The following CACNA2D1 variants were observed in gnomAD, a reference collection of about 807,000 sequenced individuals.
CACNA2D1 encodes the protein voltage-dependent calcium channel subunit alpha-2/delta-1.
A neutral mutation model predicts 171.5 loss-of-function variants in CACNA2D1; 53 were observed. The observed-to-expected ratio is 0.31, with a 90% CI of 0.25 to 0.39. CACNA2D1 has a LOEUF of 0.39. CACNA2D1 is among the 10% of genes least tolerant of loss of function. CACNA2D1 has a pLI of 1.00. For synonymous variants in CACNA2D1, 442 were observed against 443.1 expected (o/e 1.00, Z 0.03); for missense variants, 903 against 1,299.8 (o/e 0.69, Z 4.69).
chr7:82,100,901 T>A (rs2129035312), intron 6 of CACNA2D1, among the ~76,000 whole-genome samples: 1 of 152,160 alleles, frequency 6.6e-6, no homozygotes, highest in East Asian at 1.9e-4. Flanking sequence ...ATTGTACAAA[T>A]TTTTGAAATG....
chr7:81,991,427 A>C (rs574546883), intron 20 of CACNA2D1, among the ~76,000 whole-genome samples, 181 bp from the exon 21 acceptor site: 2 of 152,338 alleles, frequency 1.3e-5, no homozygotes, highest in African/African-American at 4.8e-5. Flanking sequence ...AATTTTTGAC[A>C]GAAACAAATG....
chr7:81,982,802 A>G, intron 23 of CACNA2D1, 175 bp from the exon 24 acceptor site: 1 of 672,344 alleles, frequency 1.5e-6, no homozygotes, highest in South Asian at 1.6e-5. Context: ...GCTTCCCAAA[A>G]TAATAAAATT....
At chr7:82,196,381 C>T (rs3819437) in intron 3 of CACNA2D1, among the ~76,000 whole-genome samples, 42,258 of 151,894 alleles carry the variant, frequency 0.28, 7,292 homozygotes, top group Non-Finnish European at 0.39. Context: ...ATGGGGGATG[C>T]TTGAAAAGGC....
At chr7:82,208,787 T>A (rs1261711076) in intron 3 of CACNA2D1, among the ~76,000 whole-genome samples, 4 of 152,136 alleles carry the variant, frequency 2.6e-5, no homozygotes, top group Non-Finnish European at 5.9e-5. Context: ...GTGACTATAG[T>A]TAACAATGTA....
At chr7:82,430,693 G>A (rs1437046160) in intron 1 of CACNA2D1, among the ~76,000 whole-genome samples, 1 of 152,154 alleles carries the variant, frequency 6.6e-6, no homozygotes. Context: ...TCAGCTGGAT[G>A]AGTCAAGTAA....
intron 1 of CACNA2D1, among the ~76,000 whole-genome samples, chr7:82,361,470 T>C (rs1041998906): frequency 5.9e-5 from 9 of 152,174 alleles, no homozygotes; most frequent in African/African-American, 2.2e-4. Flanking sequence ...CATTTTTAAT[T>C]TCTTGGTCAT....
intron 3 of CACNA2D1, among the ~76,000 whole-genome samples, chr7:82,216,784 A>C (rs991876060): frequency 6.6e-6 from 1 of 152,026 alleles, no homozygotes; most frequent in African/African-American, 2.4e-5. Context: ...CGTCCTAGAT[A>C]GCAAAGAAAC....
At chr7:82,288,625 C>A (rs1044995130) in intron 3 of CACNA2D1, among the ~76,000 whole-genome samples, 1 of 152,126 alleles carries the variant, frequency 6.6e-6, no homozygotes, top group Non-Finnish European at 1.5e-5. Context: ...GAATCTGATG[C>A]TAATTGAGCA....
rs1246568251 is a variant in CACNA2D1, at chr7:81,946,862, T to C, written c.*3530A>G. 6.6e-6 allele frequency: 1 copy of C among 152,066 alleles called. No homozygotes were observed. The highest frequency in any genetic ancestry group is 1.5e-5 in the Non-Finnish European group (1 of 67,964). The allele number at this position is 152,066 out of a possible 1,614,324, so 9.4% of individuals were successfully genotyped here. On this transcript the variant is annotated 3_prime_UTR_variant, in exon 39 of 39. Transcript: ENST00000356860. Reference sequence around the variant, plus strand: ...GAAGAGTTGTCTAATTCTTCAAAAATCTGGAATTTTTTTCAACACTCAAAA... The same window carrying C: ...GAAGAGTTGTCTAATTCTTCAAAAACCTGGAATTTTTTTCAACACTCAAAA...
At chr7:81,965,473 A>C in intron 32 of CACNA2D1, 121 bp downstream of exon 32, 1 of 725,278 alleles carries the variant, frequency 1.4e-6, no homozygotes, top group Non-Finnish European at 2.6e-6. Flanking sequence ...CATTTTACAA[A>C]TTATTGTATG....
chr7:82,323,235 T>C (rs556598133), intron 3 of CACNA2D1, among the ~76,000 whole-genome samples: 1 of 152,156 alleles, frequency 6.6e-6, no homozygotes, highest in African/African-American at 2.4e-5. Context: ...GATCAGAGCA[T>C]TTCTGTTGAG....
chr7:82,088,648 C>T (rs567221217), intron 6 of CACNA2D1, among the ~76,000 whole-genome samples: 31 of 151,764 alleles, frequency 2.0e-4, no homozygotes, highest in East Asian at 5.8e-4. Context: ...ATTTTCTTTA[C>T]GAAAAAACTT....
intron 21 of CACNA2D1, among the ~76,000 whole-genome samples, chr7:81,987,791 T>A (rs1037498524): frequency 3.4e-4 from 51 of 152,144 alleles, no homozygotes; most frequent in Non-Finnish European, 1.3e-4. Flanking sequence ...GTTGGGGCCT[T>A]GTCAGAGAAC....
At chr7:82,241,748 C>T (rs1804323031) in intron 3 of CACNA2D1, among the ~76,000 whole-genome samples, 1 of 152,066 alleles carries the variant, frequency 6.6e-6, no homozygotes, top group African/African-American at 2.4e-5. Flanking sequence ...GGCCCAGTCA[C>T]ATATATGTAA....
At chr7:82,253,675 A>G (rs1805944564) in intron 3 of CACNA2D1, among the ~76,000 whole-genome samples, 1 of 152,204 alleles carries the variant, frequency 6.6e-6, no homozygotes. Context: ...TGTTTAATAA[A>G]TGTCATGGTC....
At position 82,112,869 on chromosome 7, in the gene CACNA2D1, A is replaced by C. The variant is rs1788619308; in HGVS notation, c.526+4175T>G. On this transcript the variant is annotated intron_variant, in intron 6 of 38. Coordinates refer to ENST00000356860, the MANE Select transcript of CACNA2D1 (RefSeq NM_000722.4). ...CTAAGATACAGCGGCTATATCTTTTAAGATAACACAATTGAATATCAAGAT... is the reference window on the plus strand; with the variant it reads ...CTAAGATACAGCGGCTATATCTTTTCAGATAACACAATTGAATATCAAGAT... Among the ~76,000 whole-genome samples, 3 of 152,316 alleles carry C rather than the reference A, an allele frequency of 2.0e-5. No homozygotes were observed. In the South Asian group the frequency reaches 6.2e-4, roughly 32 times the overall value.
intron 3 of CACNA2D1, among the ~76,000 whole-genome samples, chr7:82,276,435 G>A (rs573337628): frequency 1.2e-3 from 183 of 152,170 alleles, no homozygotes; most frequent in Middle Eastern, 6.8e-3. Context: ...CACCCTGGCC[G>A]TGGCAGCAAC....
At chr7:82,144,217 T>A (rs558430092) in intron 4 of CACNA2D1, among the ~76,000 whole-genome samples, 1 of 152,148 alleles carries the variant, frequency 6.6e-6, no homozygotes, top group African/African-American at 2.4e-5. Context: ...AAGAATTTGG[T>A]TTCCAACACA....
chr7:82,282,360 G>A (rs983573341), intron 3 of CACNA2D1, among the ~76,000 whole-genome samples: 3 of 152,122 alleles, frequency 2.0e-5, no homozygotes, highest in African/African-American at 7.2e-5. Context: ...CGGATCCACC[G>A]AGTGATCTAG....
Sources: gnomAD v4.1 joint callset for allele counts (sites outside exome capture counted in the v4.1 genomes callset) on GRCh38, gnomAD v4.1.1 for gene constraint, MANE v1.5 for transcripts, NCBI Gene and HGNC (gene_info 2026-07-23, HGNC 2026-07-21) for gene names.